Variants in CCBE1 observed in about 807,000 individuals in gnomAD.
The protein encoded by CCBE1 is collagen and calcium binding EGF domains 1.
In CCBE1, 37 loss-of-function variants were observed where a neutral mutation model predicts 50.0. That is an observed-to-expected ratio of 0.74 (90% CI 0.57 to 0.97). The LOEUF (loss-of-function observed/expected upper bound fraction) is 0.97. Among genes scored for constraint, CCBE1 ranks in the 50% least tolerant of loss-of-function variants. The probability of loss-of-function intolerance (pLI) is 0.00; values close to 1 mark genes in which losing one functional copy is unlikely to be tolerated. For synonymous variants in CCBE1, 234 were observed against 203.7 expected (o/e 1.15, Z -1.27); for missense variants, 538 against 523.8 (o/e 1.03, Z -0.26).
intron 2 of CCBE1, among the ~76,000 whole-genome samples, chr18:59,644,216 C>A (rs1167737974): frequency 2.6e-5 from 4 of 152,240 alleles, no homozygotes; most frequent in African/African-American, 7.2e-5. Context: ...CCATGAGAAT[C>A]TAATGCCGTT....
intron 2 of CCBE1, among the ~76,000 whole-genome samples, chr18:59,606,292 G>A (rs2053498274): frequency 6.6e-6 from 1 of 152,122 alleles, no homozygotes; most frequent in African/African-American, 2.4e-5. Context: ...TGTGACAGAA[G>A]GACACAGTGA....
At chr18:59,689,583 CA>C (rs1793031313) in intron 2 of CCBE1, among the ~76,000 whole-genome samples, 3 of 152,310 alleles carry the variant, frequency 2.0e-5, no homozygotes, top group South Asian at 4.1e-4. Flanking sequence ...AGAAGTGTCA[CA>C]TACTTATATG....
At chr18:59,514,467 C>G (rs770689587) in intron 2 of CCBE1, among the ~76,000 whole-genome samples, 46 of 152,094 alleles carry the variant, frequency 3.0e-4, no homozygotes, top group Non-Finnish European at 5.9e-4. Flanking sequence ...AGCAATCTCA[C>G]AAGCTAGTCT....
intron 2 of CCBE1, among the ~76,000 whole-genome samples, chr18:59,484,959 A>G (rs1317989375): frequency 1.3e-5 from 2 of 152,254 alleles, no homozygotes; most frequent in Admixed American, 6.5e-5. Flanking sequence ...TGAGACAGCC[A>G]AAGTGAAATC....
intron 2 of CCBE1, among the ~76,000 whole-genome samples, chr18:59,609,085 C>T (rs1041402918): frequency 4.6e-5 from 7 of 152,220 alleles, no homozygotes; most frequent in Non-Finnish European, 8.8e-5. Flanking sequence ...ACTTCCCCCT[C>T]TATCTTCGAG....
chr18:59,564,244 TAAAG>T (rs1175833312), intron 2 of CCBE1, among the ~76,000 whole-genome samples: 1 of 152,252 alleles, frequency 6.6e-6, no homozygotes, highest in Non-Finnish European at 1.5e-5. Flanking sequence ...TAGAAATGCA[TAAAG>T]AATGAAGGGT....
chr18:59,696,637 T>A lies in CCBE1; in HGVS notation c.204A>T (p.Thr68=). ...AGAGCCCCCAGGCTTACCTGTAGCATGTGGTGAGCTCGCCTGAAGACTTCA... is the reference window on the plus strand; with the variant it reads ...AGAGCCCCCAGGCTTACCTGTAGCAAGTGGTGAGCTCGCCTGAAGACTTCA... The part of the protein sequence containing the change: ...PCLKSSGELT[T]CYRKKCCKGY... The change falls in exon 2 of 11, where the codon ACA becomes ACT. Residue 68 remains threonine (T), a synonymous_variant. Transcript: ENST00000439986. The A allele has an allele frequency of 6.2e-7, 1 of 1,613,914 alleles. No individual in the cohort carries two copies. Among genetic ancestry groups the A allele is most frequent in the Non-Finnish European group, 8.5e-7 (1 of 1,179,890 alleles).
intron 2 of CCBE1, among the ~76,000 whole-genome samples, chr18:59,542,368 G>A (rs892908350): frequency 2.0e-5 from 3 of 151,894 alleles, no homozygotes; most frequent in African/African-American, 7.3e-5. Context: ...TTATGAACAC[G>A]TGGCATGATA....
chr18:59,468,380 G>A (rs967391324), intron 4 of CCBE1, among the ~76,000 whole-genome samples: 1 of 152,112 alleles, frequency 6.6e-6, no homozygotes, highest in African/African-American at 2.4e-5. Context: ...GTGTGACCCT[G>A]TCTCAAAAAT....
intron 4 of CCBE1, among the ~76,000 whole-genome samples, chr18:59,467,220 G>A (rs1463158989): frequency 6.6e-6 from 1 of 152,212 alleles, no homozygotes; most frequent in Non-Finnish European, 1.5e-5. Flanking sequence ...AAACACTTCA[G>A]AGGGCTGCTT....
rs1450624414 is a variant in CCBE1, at chr18:59,466,723, G to T, written c.553+16C>A. On this transcript the variant is annotated intron_variant, in intron 5 of 10. Transcript: ENST00000439986. The stretch of plus-strand genomic sequence containing the variant: ...AAATATGTAATTAGGGAGATATTTA[G>T]ACTTGCCCTACTTACCAGTGTCATT... 8.7e-6 allele frequency: 14 copies of T among 1,604,322 alleles called. No homozygotes were observed. Among genetic ancestry groups the T allele is most frequent in the Non-Finnish European group, 1.1e-5 (13 of 1,173,698 alleles).
At chr18:59,522,389 A>G (rs1914638084) in intron 2 of CCBE1, among the ~76,000 whole-genome samples, 1 of 152,220 alleles carries the variant, frequency 6.6e-6, no homozygotes, top group South Asian at 2.1e-4. Context: ...CAAACTTCTA[A>G]GTAAAGACCT....
intron 2 of CCBE1, among the ~76,000 whole-genome samples, chr18:59,597,610 C>A (rs576003098): frequency 6.6e-6 from 1 of 152,018 alleles, no homozygotes; most frequent in Non-Finnish European, 1.5e-5. Context: ...GAAGAAAAAA[C>A]GGGGAAAAGT....
chr18:59,629,729 A>G (rs1017802985), intron 2 of CCBE1, among the ~76,000 whole-genome samples: 2 of 152,168 alleles, frequency 1.3e-5, no homozygotes, highest in Non-Finnish European at 2.9e-5. Flanking sequence ...TGGCTGGGAG[A>G]TGGTTTCCTG....
chr18:59,656,842 C>T (rs938337587), intron 2 of CCBE1, among the ~76,000 whole-genome samples: 6 of 152,168 alleles, frequency 3.9e-5, no homozygotes, highest in Non-Finnish European at 7.4e-5. Context: ...GGGTCAAGAA[C>T]ATCTATCTTG....
At chr18:59,546,259 A>ATT (rs1450466809) in intron 2 of CCBE1, among the ~76,000 whole-genome samples, 1 of 152,150 alleles carries the variant, frequency 6.6e-6, no homozygotes, top group Non-Finnish European at 1.5e-5. Context: ...AGTCATCCCC[A>ATT]TTTCATCAAT....
intron 2 of CCBE1, among the ~76,000 whole-genome samples, chr18:59,681,782 C>A (rs537796445): frequency 6.6e-6 from 1 of 152,346 alleles, no homozygotes; most frequent in Admixed American, 6.5e-5. Context: ...ATTAAATCCA[C>A]AGTGCAAAGA....
At chr18:59,631,436 A>C (rs1260534245) in intron 2 of CCBE1, among the ~76,000 whole-genome samples, 1 of 152,154 alleles carries the variant, frequency 6.6e-6, no homozygotes, top group Non-Finnish European at 1.5e-5. Flanking sequence ...TGCCGACTTG[A>C]ATCCAGAAAC....
chr18:59,665,496 A>G (rs1599116457), intron 2 of CCBE1, among the ~76,000 whole-genome samples: 1 of 152,236 alleles, frequency 6.6e-6, no homozygotes, highest in East Asian at 1.9e-4. Context: ...TTCTTCAGAA[A>G]GTAGGGGTAC....
Sources: gnomAD v4.1 joint callset for allele counts (sites outside exome capture counted in the v4.1 genomes callset) on GRCh38, gnomAD v4.1.1 for gene constraint, MANE v1.5 for transcripts, NCBI Gene and HGNC (gene_info 2026-07-23, HGNC 2026-07-21) for gene names.